Variants in RORA observed in about 807,000 individuals in gnomAD.
RORA encodes nuclear receptor ROR-alpha.
A neutral mutation model predicts 69.5 loss-of-function variants in RORA; 7 were observed. The ratio of observed to expected loss-of-function variants is 0.10; its 90% CI spans 0.06 to 0.19. The LOEUF (loss-of-function observed/expected upper bound fraction) is 0.19. Among genes scored for constraint, RORA ranks in the 10% least tolerant of loss-of-function variants. The pLI is 1.00. For synonymous variants in RORA, 261 were observed against 240.8 expected (o/e 1.08, Z -0.78); for missense variants, 457 against 663.0 (o/e 0.69, Z 3.41).
chr15:61,150,414 C>G (rs555840531), intron 1 of RORA, among the ~76,000 whole-genome samples: 1 of 152,276 alleles, frequency 6.6e-6, no homozygotes, highest in South Asian at 2.1e-4. Context: ...TACAAACAGA[C>G]AGTCTCATAC....
At chr15:61,174,497 T>C (rs1283577214) in intron 1 of RORA, among the ~76,000 whole-genome samples, 2 of 152,210 alleles carry the variant, frequency 1.3e-5, no homozygotes, top group African/African-American at 2.4e-5. Flanking sequence ...CTTATGCCAC[T>C]GGCAAAAGAG....
At chr15:60,880,123 T>G (rs937780970) in intron 1 of RORA, among the ~76,000 whole-genome samples, 1 of 152,234 alleles carries the variant, frequency 6.6e-6, no homozygotes, top group Non-Finnish European at 1.5e-5. Flanking sequence ...TTCTTTCTTC[T>G]GACCAATCAC....
intron 1 of RORA, among the ~76,000 whole-genome samples, chr15:61,143,869 G>A (rs1277907728): frequency 6.6e-6 from 1 of 152,038 alleles, no homozygotes; most frequent in Non-Finnish European, 1.5e-5. Flanking sequence ...GCTCTATTAG[G>A]CAAGGAACAA....
intron 1 of RORA, among the ~76,000 whole-genome samples, chr15:60,810,047 C>T (rs2072720026): frequency 6.6e-6 from 1 of 152,108 alleles, no homozygotes; most frequent in African/African-American, 2.4e-5. Context: ...GGACTCTCTT[C>T]ACTCTCTATT....
At chr15:60,944,641 C>T (rs1372983113) in intron 1 of RORA, among the ~76,000 whole-genome samples, 3 of 145,762 alleles carry the variant, frequency 2.1e-5, no homozygotes, top group African/African-American at 7.7e-5. Context: ...GAGAGGACTG[C>T]TTGAGCAAAA....
intron 3 of RORA, among the ~76,000 whole-genome samples, chr15:60,517,923 A>C (rs2066019735): frequency 6.6e-6 from 1 of 152,172 alleles, no homozygotes; most frequent in Non-Finnish European, 1.5e-5. Flanking sequence ...TTTCCTAGAT[A>C]TCTCTTCTGA....
intron 2 of RORA, among the ~76,000 whole-genome samples, chr15:60,569,935 TA>T (rs753845967): frequency 1.2e-4 from 18 of 152,040 alleles, no homozygotes; most frequent in Non-Finnish European, 2.4e-4. Flanking sequence ...GAGAGCAAGA[TA>T]AACATGAGAA....
At chr15:60,533,698 A>ATGAAT (rs2066595956) in intron 2 of RORA, among the ~76,000 whole-genome samples, 1 of 152,224 alleles carries the variant, frequency 6.6e-6, no homozygotes, top group Non-Finnish European at 1.5e-5. Context: ...TTTTCCCTAC[A>ATGAAT]TGAATTGAGT....
chr15:60,940,924 T>C (rs1892676122), intron 1 of RORA, among the ~76,000 whole-genome samples: 1 of 152,306 alleles, frequency 6.6e-6, no homozygotes, highest in Non-Finnish European at 1.5e-5. Context: ...AGACTCTGTC[T>C]CTAAATAAAT....
chr15:60,978,959 C>CTTTTTTTT (rs1555399125), intron 1 of RORA, among the ~76,000 whole-genome samples: 1 of 48,978 alleles, frequency 2.0e-5, no homozygotes, highest in Non-Finnish European at 4.3e-5. Context: ...TCCAACTTTG[C>CTTTTTTTT]TCTTTTTTTT....
chr15:60,987,588 A>C (rs1231127103), intron 1 of RORA, among the ~76,000 whole-genome samples: 1 of 152,130 alleles, frequency 6.6e-6, no homozygotes, highest in Admixed American at 6.6e-5. Flanking sequence ...CCTGAGACTT[A>C]TAACCACATC....
rs1176278303 is a variant in RORA at position 60,491,637 on chromosome 15, C to G, written c.*5818G>C. ...GATCCCCCCCGCCCATCTAGGATGGCTACTTGGTGTGAAGTCAGGCTTCTG... is the reference window on the plus strand; with the variant it reads ...GATCCCCCCCGCCCATCTAGGATGGGTACTTGGTGTGAAGTCAGGCTTCTG... On this transcript the variant is annotated 3_prime_UTR_variant, in exon 11 of 11. Coordinates refer to ENST00000335670, the MANE Select transcript of RORA (RefSeq NM_134261.3). 1 of 151,254 alleles carries G rather than the reference C, an allele frequency of 6.6e-6. No homozygotes were observed. 9.4% of individuals were successfully genotyped at this position (151,254 alleles called of 1,614,324 possible). A position where few individuals can be genotyped will look rare whatever the true frequency, so the allele number is the denominator to read the frequency against.
intron 2 of RORA, chr15:60,650,658 G>A (rs1473756030): frequency 5.3e-5 from 8 of 152,176 alleles, no homozygotes; most frequent in Admixed American, 3.3e-4. Flanking sequence ...ACCAATTTGC[G>A]GAGCCCTCGT....
chr15:61,166,907 C>T (rs2079543476), intron 1 of RORA, among the ~76,000 whole-genome samples: 1 of 152,150 alleles, frequency 6.6e-6, no homozygotes. Context: ...TTTCCCCATC[C>T]TCATCCCCAC....
At position 61,128,355 on chromosome 15, in the gene RORA, C is replaced by T. The variant is rs1044613847; in HGVS notation, c.166+100698G>A. ...TACAGAAAGAAAAAAAAAATCTAAA[C>T]AGTATATAAACTTAAAATCAGTCAC... On this transcript the variant is annotated intron_variant, in intron 1 of 10. Transcript: ENST00000335670. The surrounding 1 kb of genome is among the most constrained non-coding windows in gnomAD (Gnocchi z 4.5). Among the ~76,000 whole-genome samples the T allele has an allele frequency of 6.6e-6, 1 of 152,052 alleles. No homozygotes were observed. Among genetic ancestry groups the T allele is most frequent in the African/African-American group, 2.4e-5 (1 of 41,386 alleles).
At chr15:60,633,546 TTC>T (rs1301024286) in intron 2 of RORA, among the ~76,000 whole-genome samples, 14 of 152,210 alleles carry the variant, frequency 9.2e-5, no homozygotes, top group African/African-American at 3.4e-4. Context: ...CCTAAGAGAG[TTC>T]AGAGGTCTTT....
intron 1 of RORA, chr15:61,195,796 T>G (rs896499993): frequency 5.3e-5 from 8 of 152,346 alleles, no homozygotes; most frequent in Non-Finnish European, 1.0e-4. Flanking sequence ...TTGTGACATT[T>G]CTCGTATTAC....
In RORA at chr15:60,590,344, C is replaced by G. The variant is rs182229098; in HGVS notation, c.197-58493G>C. ...GGTAGCGTGTGTGATTCTTATTATT[C>G]TATTAGCAAGGGACAGTATGGAACT... On this transcript the variant is annotated intron_variant, in intron 2 of 10. Transcript: ENST00000335670. 3.1e-4 allele frequency among the ~76,000 whole-genome samples: 47 copies of G among 152,258 alleles called. No homozygotes were observed. In the East Asian group the frequency reaches 9.1e-3, roughly 29 times the overall value.
intron 1 of RORA, among the ~76,000 whole-genome samples, chr15:60,915,574 C>T (rs957120913): frequency 9.9e-5 from 15 of 152,244 alleles, no homozygotes; most frequent in African/African-American, 3.4e-4. Flanking sequence ...CCACTAGCCA[C>T]ATATGCCTAC....
Sources: allele counts gnomAD v4.1 joint callset (sites outside exome capture counted in the v4.1 genomes callset), GRCh38; gene constraint gnomAD v4.1.1; non-coding constraint Gnocchi (gnomAD v3.1); transcripts MANE v1.5; gene names NCBI Gene and HGNC (gene_info 2026-07-23, HGNC 2026-07-21).